The following CCDC152 variants were observed in gnomAD, a reference collection of about 807,000 sequenced individuals.
The protein encoded by CCDC152 is coiled-coil domain containing 152.
Under a neutral mutation model 38.1 loss-of-function variants are expected in CCDC152, and 37 were observed. That is an observed-to-expected ratio of 0.97 (90% CI 0.75 to 1.28). The LOEUF (loss-of-function observed/expected upper bound fraction) is 1.28, where lower values mean the gene tolerates loss of function less well. CCDC152 is among the 50% of genes most tolerant of loss of function. The probability of loss-of-function intolerance (pLI) is 0.00; values close to 1 mark genes in which losing one functional copy is unlikely to be tolerated. For synonymous variants in CCDC152, 83 were observed against 87.1 expected (o/e 0.95, Z 0.26); for missense variants, 259 against 292.1 (o/e 0.89, Z 0.83).
chr5:42,770,392 C>G (rs146955010), intron 4 of CCDC152, among the ~76,000 whole-genome samples: 65 of 152,226 alleles, frequency 4.3e-4, no homozygotes, highest in Admixed American at 2.0e-4. Flanking sequence ...AAAAGGGGCA[C>G]TCATGCTCCT....
rs576733589 is a variant in CCDC152 at position 42,787,940 on chromosome 5, C to T, written c.430+4364C>T. The stretch of plus-strand genomic sequence containing the variant: ...GTGTATTTTAAGTGGAACATTTAGG[C>T]TGTTTATGATTAATATTTATATGTG... On this transcript the variant is annotated intron_variant, in intron 6 of 8. Transcript: ENST00000361970. 3.9e-5 allele frequency among the ~76,000 whole-genome samples: 6 copies of T among 152,164 alleles called. No individual in the cohort carries two copies. In the South Asian group the frequency reaches 1.2e-3, roughly 32 times the overall value.
intron 5 of CCDC152, 111 bp downstream of exon 5, chr5:42,779,633 G>C (rs1253661842): frequency 3.7e-6 from 2 of 535,076 alleles, no homozygotes; most frequent in Admixed American, 7.3e-5. Flanking sequence ...ATGTTTGTGG[G>C]TGTGTGTGTG....
intron 2 of CCDC152, among the ~76,000 whole-genome samples, chr5:42,761,070 A>G (rs1759546344): frequency 6.6e-6 from 1 of 152,202 alleles, no homozygotes; most frequent in South Asian, 2.1e-4. Flanking sequence ...GATCAATTCA[A>G]AAGTGGTGAG....
In CCDC152 at chr5:42,769,711, G is replaced by T; in HGVS notation, c.262+46G>T. 4 of 1,447,432 alleles carry T rather than the reference G, an allele frequency of 2.8e-6. No individual in the cohort carries two copies. In the South Asian group the frequency reaches 4.2e-5, roughly 15 times the overall value. The allele number at this position is 1,447,432 out of a possible 1,614,324, so 89.7% of individuals were successfully genotyped here. A position where few individuals can be genotyped will look rare whatever the true frequency, so the allele number is the denominator to read the frequency against. On this transcript the variant is annotated intron_variant, in intron 4 of 8. Coordinates refer to ENST00000361970, the MANE Select transcript of CCDC152 (RefSeq NM_001134848.2). The stretch of plus-strand genomic sequence containing the variant: ...AAATCTAAAAAAGCATTGTGTATTT[G>T]AGCACCTTTAAAAATAGGAAGTTTT...
chr5:42,762,613 T>A (rs1759566885), intron 3 of CCDC152, 65 bp downstream of exon 3: 11 of 822,638 alleles, frequency 1.3e-5, no homozygotes, highest in Middle Eastern at 2.2e-4. Context: ...CAACAGTGAT[T>A]AATATTACAC....
Position 42,799,738 on chromosome 5 carries a change from T to C in CCDC152, c.722T>C (p.Leu241Pro), listed in dbSNP as rs1207334069. ...ACCATTCGCGATTTAGAGCAACGCC[T>C]TTCTGTTGGCAAAGATTCTCACCTT... ...RNTIRDLEQR[L>P]SVGKDSHLKR... The change falls in exon 9 of 9, where the codon CTT becomes CCT. Residue 241 changes from leucine (L) to proline (P), a missense_variant. Coordinates refer to ENST00000361970, the MANE Select transcript of CCDC152 (RefSeq NM_001134848.2). 3 of 1,551,312 alleles carry C rather than the reference T, an allele frequency of 1.9e-6. No homozygotes were observed. In the South Asian group the frequency reaches 3.6e-5, roughly 18 times the overall value.
Position 42,799,936 on chromosome 5 carries a change from T to G in CCDC152, c.*155T>G, listed in dbSNP as rs1027637154. On this transcript the variant is annotated 3_prime_UTR_variant, in exon 9 of 9. Transcript: ENST00000361970. ...GACAAATCCGTACTGTATCCAATTC[T>G]GTACTGCATTCTTGCTTAATAGTAT... 1.2e-6 allele frequency: 1 copy of G among 803,408 alleles called. No homozygotes were observed. Among genetic ancestry groups the G allele is most frequent in the Non-Finnish European group, 1.9e-6 (1 of 518,000 alleles). The allele number at this position is 803,408 out of a possible 1,614,324, so 49.8% of individuals were successfully genotyped here. A position where few individuals can be genotyped will look rare whatever the true frequency, so the allele number is the denominator to read the frequency against.
At chr5:42,762,732 A>G (rs1199409578) in intron 3 of CCDC152, among the ~76,000 whole-genome samples, 184 bp downstream of exon 3, 1 of 152,208 alleles carries the variant, frequency 6.6e-6, no homozygotes, top group Non-Finnish European at 1.5e-5. Flanking sequence ...TTATTACTCT[A>G]CCTCACCAAT....
intron 1 of CCDC152, among the ~76,000 whole-genome samples, chr5:42,758,604 C>G (rs1759510929): frequency 6.6e-6 from 1 of 152,178 alleles, no homozygotes. Context: ...AGGACTAAAA[C>G]TGAAACTCTT....
intron 1 of CCDC152, 145 bp from the exon 2 acceptor site, chr5:42,758,975 A>C (rs2111931172): frequency 3.8e-6 from 2 of 528,078 alleles, no homozygotes; most frequent in South Asian, 7.4e-5. Context: ...ATTGGTTATA[A>C]CAAAAATTCT....
chr5:42,777,781 A>G (rs1479253283), intron 4 of CCDC152, among the ~76,000 whole-genome samples: 1 of 152,230 alleles, frequency 6.6e-6, no homozygotes, highest in Non-Finnish European at 1.5e-5. Flanking sequence ...TTTCAATGTT[A>G]CTGTACTACA....
At chr5:42,783,346 G>C (rs1227680488) in intron 5 of CCDC152, 128 bp from the exon 6 acceptor site, 1 of 292,258 alleles carries the variant, frequency 3.4e-6, no homozygotes, top group Non-Finnish European at 5.6e-6. Flanking sequence ...TTTTAAAAAA[G>C]TAACATAAAT....
At chr5:42,762,638 G>A (rs889595016) in intron 3 of CCDC152, 90 bp downstream of exon 3, 1 of 732,154 alleles carries the variant, frequency 1.4e-6, no homozygotes, top group African/African-American at 1.8e-5. Flanking sequence ...TATTTGTAAA[G>A]TGTTTTAAGT....
chr5:42,770,395 A>G (rs751771302), intron 4 of CCDC152, among the ~76,000 whole-genome samples: 9 of 152,126 alleles, frequency 5.9e-5, no homozygotes, highest in Non-Finnish European at 1.2e-4. Flanking sequence ...AGGGGCACTC[A>G]TGCTCCTATT....
intron 3 of CCDC152, 25 bp downstream of exon 3, chr5:42,762,573 T>G: frequency 8.6e-7 from 1 of 1,161,892 alleles, no homozygotes; most frequent in Non-Finnish European, 1.3e-6. Flanking sequence ...GCCTGAGGAA[T>G]GCTAATTCTA....
intron 5 of CCDC152, among the ~76,000 whole-genome samples, chr5:42,783,118 C>A (rs1759870884): frequency 6.6e-6 from 1 of 152,016 alleles, no homozygotes; most frequent in Non-Finnish European, 1.5e-5. Context: ...GATCTGCCTG[C>A]CTTAGCCTCC....
chr5:42,788,019 G>C (rs1430457500), intron 6 of CCDC152, among the ~76,000 whole-genome samples: 1 of 152,098 alleles, frequency 6.6e-6, no homozygotes, highest in Admixed American at 6.5e-5. Context: ...TCAGTTGTTT[G>C]TTTTATAGGA....
At chr5:42,771,457 C>T (rs1375787207) in intron 4 of CCDC152, among the ~76,000 whole-genome samples, 3 of 149,076 alleles carry the variant, frequency 2.0e-5, no homozygotes, top group Non-Finnish European at 4.5e-5. Context: ...AAATAAAAAA[C>T]AACAGAAAAT....
chr5:42,802,002 T>A lies in CCDC152; in HGVS notation c.*2221T>A, dbSNP rs1760216706. The A allele has an allele frequency of 6.6e-6, 1 of 152,220 alleles. No individual in the cohort carries two copies. The highest frequency in any genetic ancestry group is 1.5e-5 in the Non-Finnish European group (1 of 68,040). 9.4% of individuals were successfully genotyped at this position (152,220 alleles called of 1,614,324 possible). On this transcript the variant is annotated 3_prime_UTR_variant, in exon 9 of 9. Coordinates refer to ENST00000361970, the MANE Select transcript of CCDC152 (RefSeq NM_001134848.2). Reference sequence around the variant, plus strand: ...CAACGGTGCATCTTATCTAATACTATATGATACTGTAATCTAATATTATCT... The same window carrying A: ...CAACGGTGCATCTTATCTAATACTAAATGATACTGTAATCTAATATTATCT...
Sources: allele counts gnomAD v4.1 joint callset (sites outside exome capture counted in the v4.1 genomes callset), GRCh38; gene constraint gnomAD v4.1.1; transcripts MANE v1.5; gene names NCBI Gene and HGNC (gene_info 2026-07-23, HGNC 2026-07-21).